The following ARHGAP10 variants were observed in gnomAD, a reference collection of about 807,000 sequenced individuals.
The protein encoded by ARHGAP10 is Rho GTPase activating protein 10.
In ARHGAP10, 87 loss-of-function variants were observed where a neutral mutation model predicts 108.6. The observed-to-expected ratio is 0.80, with a 90% CI of 0.67 to 0.96. The LOEUF is 0.96. Ranked by LOEUF, ARHGAP10 falls within the 40% of genes least tolerant of loss-of-function variation. The probability of loss-of-function intolerance (pLI) is 0.00; values close to 1 mark genes in which losing one functional copy is unlikely to be tolerated. For missense variants in ARHGAP10, 939 were observed against 954.5 expected, an observed-to-expected ratio of 0.98 and a Z score of 0.21; for synonymous variants, 347 against 341.1, an observed-to-expected ratio of 1.02 and a Z score of -0.19.
At chr4:147,756,178 G>C (rs1198838524) in intron 1 of ARHGAP10, among the ~76,000 whole-genome samples, 1 of 151,762 alleles carries the variant, frequency 6.6e-6, no homozygotes, top group African/African-American at 2.4e-5. Context: ...TGTATCCAAG[G>C]CTTTCCCAGG....
intron 15 of ARHGAP10, among the ~76,000 whole-genome samples, chr4:147,948,304 C>G (rs1383015853): frequency 6.6e-6 from 1 of 152,194 alleles, no homozygotes; most frequent in East Asian, 1.9e-4. Flanking sequence ...CTCAAAAAGT[C>G]ATTTTTAAAA....
At chr4:147,794,712 C>A (rs1010723512) in intron 1 of ARHGAP10, among the ~76,000 whole-genome samples, 3 of 152,156 alleles carry the variant, frequency 2.0e-5, no homozygotes, top group African/African-American at 7.2e-5. Flanking sequence ...TTGAGTATTC[C>A]ATTATCTCCA....
intron 19 of ARHGAP10, among the ~76,000 whole-genome samples, chr4:148,041,997 T>A (rs1057290665): frequency 6.6e-6 from 1 of 152,210 alleles, no homozygotes; most frequent in East Asian, 1.9e-4. Flanking sequence ...TTCAGATCAA[T>A]AAAACTATCC....
At chr4:147,991,960 C>G (rs554403067) in intron 18 of ARHGAP10, among the ~76,000 whole-genome samples, 6 of 152,110 alleles carry the variant, frequency 3.9e-5, no homozygotes, top group Non-Finnish European at 7.4e-5. Context: ...AGGTGAAGTG[C>G]GAATTGTCAG....
Position 147,732,491 on chromosome 4 carries a change from T to C in ARHGAP10, c.154+36T>C, listed in dbSNP as rs764263599. On this transcript the variant is annotated intron_variant, in intron 1 of 22. Transcript: ENST00000336498. The stretch of plus-strand genomic sequence containing the variant: ...ACGCGGGCGCGGACGGGCTGCGGCG[T>C]GGCGAGGCGGCTGGGGGAGCCTCTC... 3 of 1,603,792 alleles carry C rather than the reference T, an allele frequency of 1.9e-6. No homozygotes were observed. In the Admixed American group the frequency reaches 5.1e-5, roughly 27 times the overall value.
chr4:147,831,174 TC>T (rs766592675), intron 3 of ARHGAP10, among the ~76,000 whole-genome samples: 39 of 152,324 alleles, frequency 2.6e-4, no homozygotes, highest in Non-Finnish European at 4.1e-4. Context: ...GGCAATCCTT[TC>T]CTTAGGGTTA....
Position 147,966,693 on chromosome 4 carries a change from T to A in ARHGAP10, c.1570T>A (p.Ser524Thr). The change falls in exon 18 of 23, where the codon TCC (serine) becomes ACC (threonine). Residue 524 changes from serine (S) to threonine (T), a missense_variant. Physicochemically the swap from Ser to Thr is moderately conservative, Grantham distance 58 (BLOSUM62 1). Transcript: ENST00000336498. ...TACCAATTTCAGTGTTTCAAATCAC[T>A]CCAAGCAGAACCTGATGACTGTGGC... ...VKHLTNVSNH[S>T]KQNLMTVANL... 6.3e-7 allele frequency: 1 copy of A among 1,578,144 alleles called. No homozygotes were observed.
chr4:147,774,330 T>C (rs1207256002), intron 1 of ARHGAP10, among the ~76,000 whole-genome samples: 1 of 152,192 alleles, frequency 6.6e-6, no homozygotes, highest in African/African-American at 2.4e-5. Context: ...AAGCATGAAC[T>C]CTTGTTCTTA....
rs544401216 is a variant in ARHGAP10, at chr4:147,972,049, G to A, written c.1716+5210G>A. On this transcript the variant is annotated intron_variant, in intron 18 of 22. Transcript: ENST00000336498. ...ACTAATAAAAGGAAGGAACAAAGGG[G>A]TTTGGGGGAGGAGTAAGATGAGTTC... Among the ~76,000 whole-genome samples the A allele has an allele frequency of 2.6e-5, 4 of 152,200 alleles. No homozygotes were observed. In the East Asian group the frequency reaches 7.7e-4, roughly 29 times the overall value.
At chr4:147,734,316 G>A (rs1412176713) in intron 1 of ARHGAP10, among the ~76,000 whole-genome samples, 1 of 152,116 alleles carries the variant, frequency 6.6e-6, no homozygotes, top group East Asian at 1.9e-4. Flanking sequence ...CAGTGCATCT[G>A]GGGGGCCAGA....
chr4:148,015,832 T>C (rs553689773), intron 18 of ARHGAP10, among the ~76,000 whole-genome samples: 2 of 152,342 alleles, frequency 1.3e-5, no homozygotes, highest in East Asian at 3.9e-4. Context: ...TCGGACATTT[T>C]ATTTCTGTCC....
chr4:147,899,097 C>T (rs537704484), intron 10 of ARHGAP10, among the ~76,000 whole-genome samples: 9 of 152,312 alleles, frequency 5.9e-5, no homozygotes, highest in Middle Eastern at 3.4e-3. Context: ...TCTCTCAGTC[C>T]TGCTCTCAGA....
chr4:147,961,820 C>A (rs368386104), intron 16 of ARHGAP10, among the ~76,000 whole-genome samples: 28 of 152,266 alleles, frequency 1.8e-4, no homozygotes, highest in African/African-American at 5.3e-4. Flanking sequence ...CTGTGCCCAG[C>A]CTTTGCAGAT....
rs72957775 is a variant in ARHGAP10, at chr4:147,890,381, A to T, written c.1034+8449A>T. On this transcript the variant is annotated intron_variant, in intron 10 of 22. Coordinates refer to ENST00000336498, the MANE Select transcript of ARHGAP10 (RefSeq NM_024605.4). ...TTACTTTGAATTTTTCTTAGCTAAG[A>T]GACACCATTTAAGACCACAGATTTG... 6.6e-3 allele frequency among the ~76,000 whole-genome samples: 1,001 copies of T among 152,344 alleles called. 8 individuals are homozygous for T. Among genetic ancestry groups the T allele is most frequent in the African/African-American group, 0.023 (957 of 41,578 alleles).
intron 3 of ARHGAP10, among the ~76,000 whole-genome samples, chr4:147,829,674 T>C (rs1265882663): frequency 6.6e-6 from 1 of 152,184 alleles, no homozygotes; most frequent in Non-Finnish European, 1.5e-5. Flanking sequence ...TCCAGAGATG[T>C]TCTCTCTGGC....
At chr4:148,058,813 G>C (rs1035805479) in intron 20 of ARHGAP10, among the ~76,000 whole-genome samples, 1 of 152,196 alleles carries the variant, frequency 6.6e-6, no homozygotes, top group South Asian at 2.1e-4. Context: ...ACTGCTGCAC[G>C]TGAAAGCTAC....
chr4:147,736,374 A>G (rs1210753567), intron 1 of ARHGAP10, among the ~76,000 whole-genome samples: 1 of 152,226 alleles, frequency 6.6e-6, no homozygotes, highest in Non-Finnish European at 1.5e-5. Flanking sequence ...TTTCAGAGAA[A>G]TATTCTTTTG....
Position 147,946,709 on chromosome 4 carries a change from GCTC to G in ARHGAP10, c.1391+9_1391+11del. ...TGCCTTGAAACAGTATTTGAGGTAAGCTCCTCTCAGTAGCAAGAAAGAAGAATG... is the reference window on the plus strand; with the variant it reads ...TGCCTTGAAACAGTATTTGAGGTAAGCTCTCAGTAGCAAGAAAGAAGAATG... On this transcript the variant is annotated splice_donor_region_variant and intron_variant, in intron 15 of 22. Coordinates refer to ENST00000336498, the MANE Select transcript of ARHGAP10 (RefSeq NM_024605.4). 1 of 1,590,188 alleles carries G rather than the reference GCTC, an allele frequency of 6.3e-7. No homozygotes were observed. The highest frequency in any genetic ancestry group is 8.5e-7 in the Non-Finnish European group (1 of 1,169,898).
At chr4:147,899,429 C>G (rs1017662107) in intron 10 of ARHGAP10, among the ~76,000 whole-genome samples, 1 of 151,894 alleles carries the variant, frequency 6.6e-6, no homozygotes, top group Non-Finnish European at 1.5e-5. Flanking sequence ...GTCTTTTTTA[C>G]ATCTTTGCTC....
Sources: allele counts gnomAD v4.1 joint callset (sites outside exome capture counted in the v4.1 genomes callset), GRCh38; gene constraint gnomAD v4.1.1; transcripts MANE v1.5; gene names NCBI Gene and HGNC (gene_info 2026-07-23, HGNC 2026-07-21).